Variants in CD276 observed in about 807,000 individuals in gnomAD.
CD276 encodes CD276 antigen.
Under a neutral mutation model 50.0 loss-of-function variants are expected in CD276, and 34 were observed. The ratio of observed to expected loss-of-function variants is 0.68; its 90% confidence interval spans 0.52 to 0.91. CD276 has a LOEUF of 0.91. Among genes scored for constraint, CD276 ranks in the 40% least tolerant of loss-of-function variants. CD276 has a pLI of 0.00. For missense variants in CD276, 634 were observed against 717.5 expected (o/e 0.88, Z 1.33); for synonymous variants, 275 against 313.0 (o/e 0.88, Z 1.28).
At chr15:73,695,728 G>T (rs957642619) in intron 1 of CD276, among the ~76,000 whole-genome samples, 1 of 152,230 alleles carries the variant, frequency 6.6e-6, no homozygotes, top group Non-Finnish European at 1.5e-5. Context: ...CAAATATCTG[G>T]GCGGTCTAGG....
At position 73,702,529 on chromosome 15, in the gene CD276, C is replaced by T. The variant is rs763004135; in HGVS notation, c.354C>T (p.Gly118=). 1 of 1,612,530 alleles carries T rather than the reference C, an allele frequency of 6.2e-7. No homozygotes were observed. The highest frequency in any genetic ancestry group is 2.2e-5 in the East Asian group (1 of 44,880). The change falls in exon 3 of 10, where the codon GGC becomes GGT. Residue 118 remains glycine, a synonymous_variant. Coordinates refer to ENST00000318443, the MANE Select transcript of CD276 (RefSeq NM_001024736.2). ...RLQRVRVADE[G]SFTCFVSIRD... ...AGCGCGTGCGTGTGGCGGACGAGGGCAGCTTCACCTGCTTCGTGAGCATCC... is the reference window on the plus strand; with the variant it reads ...AGCGCGTGCGTGTGGCGGACGAGGGTAGCTTCACCTGCTTCGTGAGCATCC...
In CD276 at chr15:73,703,869, C is replaced by T. The variant is rs148625372; in HGVS notation, c.944C>T (p.Pro315Leu). Residue 315 changes from proline (P) to leucine (L), a missense_variant, in exon 5 of 10, where the codon CCG (proline) becomes CTG (leucine). Transcript: ENST00000318443. ...SAYANRTALF[P>L]DLLAQGNASL... ...TATGCCAACCGCACGGCCCTCTTCCCGGACCTGCTGGCACAAGGCAATGCA... is the reference window on the plus strand; with the variant it reads ...TATGCCAACCGCACGGCCCTCTTCCTGGACCTGCTGGCACAAGGCAATGCA... 196 of 1,613,678 alleles carry T rather than the reference C, an allele frequency of 1.2e-4. No homozygotes were observed. In the African/African-American group the frequency reaches 1.7e-3, roughly 14 times the overall value.
intron 8 of CD276, among the ~76,000 whole-genome samples, chr15:73,709,943 C>G (rs779648478): frequency 6.6e-6 from 1 of 152,210 alleles, no homozygotes; most frequent in Non-Finnish European, 1.5e-5. Flanking sequence ...GCCGATTCCA[C>G]CTGATTGGCC....
intron 1 of CD276, chr15:73,686,186 T>A (rs1252599781): frequency 2.3e-6 from 1 of 441,210 alleles, no homozygotes; most frequent in Non-Finnish European, 3.0e-6. Flanking sequence ...CAGGGTCCCA[T>A]GACTGACCTT....
intron 2 of CD276, among the ~76,000 whole-genome samples, chr15:73,701,544 G>A (rs1434845185): frequency 6.6e-6 from 1 of 152,168 alleles, no homozygotes; most frequent in Non-Finnish European, 1.5e-5. Context: ...TTTTCACACA[G>A]CAAGGCCAGT....
chr15:73,692,159 C>A (rs1343155438), intron 1 of CD276, among the ~76,000 whole-genome samples: 2 of 152,116 alleles, frequency 1.3e-5, no homozygotes, highest in East Asian at 1.9e-4. Context: ...TTCATGCTGT[C>A]CCCTCCGCCA....
At chr15:73,686,460 G>A (rs116007069) in intron 1 of CD276, among the ~76,000 whole-genome samples, 2,136 of 152,206 alleles carry the variant, frequency 0.014, 58 homozygotes, top group African/African-American at 0.048. Flanking sequence ...AGCTGGCTTC[G>A]GTGCTTTAAT....
Position 73,703,819 on chromosome 15 carries a change from C to G in CD276, c.894C>G (p.Thr298=). ...TDTKQLVHSF[T]EGRDQGSAYA... ...CCAAACAGCTGGTGCACAGTTTCAC[C>G]GAAGGCCGGGACCAGGGCAGCGCCT... The change falls in exon 5 of 10, where the codon ACC becomes ACG. Residue 298 remains threonine, a synonymous_variant. Transcript: ENST00000318443. 1 of 1,613,670 alleles carries G rather than the reference C, an allele frequency of 6.2e-7. No individual in the cohort carries two copies. The highest frequency in any genetic ancestry group is 2.2e-5 in the East Asian group (1 of 44,868).
chr15:73,689,339 G>A (rs1899898025), intron 1 of CD276, among the ~76,000 whole-genome samples: 1 of 152,056 alleles, frequency 6.6e-6, no homozygotes, highest in Non-Finnish European at 1.5e-5. Context: ...ACATACTACT[G>A]TCCTGACTCA....
chr15:73,693,414 T>C (rs1419411227), intron 1 of CD276, among the ~76,000 whole-genome samples: 2 of 152,114 alleles, frequency 1.3e-5, no homozygotes, highest in African/African-American at 4.8e-5. Context: ...GTTATATATA[T>C]TTTACAACAA....
chr15:73,713,593 CAG>C lies in CD276; in HGVS notation c.*638_*639del. The C allele has an allele frequency of 3.1e-6, 1 of 322,618 alleles. No homozygotes were observed. The highest frequency in any genetic ancestry group is 5.9e-6 in the Non-Finnish European group (1 of 169,996). The allele number at this position is 322,618 out of a possible 1,614,324, so 20.0% of individuals were successfully genotyped here. A position where few individuals can be genotyped will look rare whatever the true frequency, so the allele number is the denominator to read the frequency against. ...TTTCCCTCCCTGCCCCAAGTGAAGACAGGGCACTCTGCGCCCACCACATGCAC... is the reference window on the plus strand; with the variant it reads ...TTTCCCTCCCTGCCCCAAGTGAAGACGGCACTCTGCGCCCACCACATGCAC... On this transcript the variant is annotated 3_prime_UTR_variant, in exon 10 of 10. Coordinates refer to ENST00000318443, the MANE Select transcript of CD276 (RefSeq NM_001024736.2).
chr15:73,698,568 T>A (rs939243458), intron 1 of CD276, among the ~76,000 whole-genome samples: 4 of 152,160 alleles, frequency 2.6e-5, no homozygotes, highest in Admixed American at 2.6e-4. Context: ...CTTTTTTTAT[T>A]TTTATTTTTT....
intron 1 of CD276, among the ~76,000 whole-genome samples, chr15:73,688,127 G>A (rs564097763): frequency 6.6e-6 from 1 of 152,118 alleles, no homozygotes; most frequent in Non-Finnish European, 1.5e-5. Context: ...GGCACTGATA[G>A]GGCTCTAGGT....
At position 73,708,387 on chromosome 15, in the gene CD276, T is replaced by G. The variant is rs781775734; in HGVS notation, c.1418T>G (p.Leu473Arg). ...PPEALWVTVGLSVCLIALLVA... is the reference protein window; with the variant it reads ...PPEALWVTVGRSVCLIALLVA... ...GAGGCCCTGTGGGTGACCGTGGGGC[T>G]GTCTGTCTGTCTCATTGCACTGCTG... The change falls in exon 7 of 10, where the codon CTG becomes CGG. Residue 473 changes from leucine (L) to arginine (R), a missense_variant. Transcript: ENST00000318443. 9.3e-6 allele frequency: 15 copies of G among 1,613,750 alleles called. No homozygotes were observed. Among genetic ancestry groups the G allele is most frequent in the African/African-American group, 2.7e-5 (2 of 75,010 alleles).
chr15:73,706,341 AG>A (rs1445723078), intron 6 of CD276, among the ~76,000 whole-genome samples: 1 of 152,248 alleles, frequency 6.6e-6, no homozygotes, highest in Non-Finnish European at 1.5e-5. Flanking sequence ...TCCACAGAGA[AG>A]GGGGAACTTT....
At chr15:73,705,177 C>T (rs1596017173) in intron 6 of CD276, among the ~76,000 whole-genome samples, 1 of 152,192 alleles carries the variant, frequency 6.6e-6, no homozygotes, top group East Asian at 1.9e-4. Context: ...GGCCGACGTG[C>T]TCAGTCTGGC....
At chr15:73,708,534 CTG>C in intron 7 of CD276, 61 bp downstream of exon 7, 1 of 1,546,742 alleles carries the variant, frequency 6.5e-7, no homozygotes, top group Non-Finnish European at 8.8e-7. Flanking sequence ...GGGTATGTTG[CTG>C]TCTTTGATGT....
intron 7 of CD276, 76 bp downstream of exon 7, chr15:73,708,549 A>G (rs1900746169): frequency 6.7e-7 from 1 of 1,491,606 alleles, no homozygotes; most frequent in African/African-American, 1.4e-5. Context: ...TTTGATGTCA[A>G]TAGAGTGTCA....
chr15:73,706,950 C>T (rs963265014), intron 6 of CD276, among the ~76,000 whole-genome samples: 1 of 145,616 alleles, frequency 6.9e-6, no homozygotes, highest in East Asian at 2.0e-4. Flanking sequence ...ATGGGATTTC[C>T]AGGGTGGTTA....
Sources: allele counts gnomAD v4.1 joint callset (sites outside exome capture counted in the v4.1 genomes callset), GRCh38; gene constraint gnomAD v4.1.1; transcripts MANE v1.5; gene names NCBI Gene and HGNC (gene_info 2026-07-23, HGNC 2026-07-21).